Variants in PTPRR observed in about 807,000 individuals in gnomAD.
The protein encoded by PTPRR is receptor-type tyrosine-protein phosphatase R.
PTPRR carries 38 observed loss-of-function variants against 77.2 expected under a neutral mutation model. The ratio of observed to expected loss-of-function variants is 0.49; its 90% CI spans 0.38 to 0.65. The LOEUF is 0.65. Ranked by LOEUF, PTPRR falls within the 30% of genes least tolerant of loss-of-function variation. The probability of loss-of-function intolerance (pLI) is 0.00; values close to 1 mark genes in which losing one functional copy is unlikely to be tolerated. For synonymous variants in PTPRR, 299 were observed against 283.1 expected (o/e 1.06, Z -0.57); for missense variants, 744 against 799.2 (o/e 0.93, Z 0.83).
chr12:70,902,767 TAACAA>T (rs1592825361), intron 1 of PTPRR, among the ~76,000 whole-genome samples: 1 of 151,616 alleles, frequency 6.6e-6, no homozygotes, highest in African/African-American at 2.4e-5. Flanking sequence ...GATAAAAGTC[TAACAA>T]ATAGGGTGCA....
intron 2 of PTPRR, among the ~76,000 whole-genome samples, chr12:70,772,439 A>G (rs1474906018): frequency 1.3e-5 from 2 of 152,148 alleles, no homozygotes; most frequent in Non-Finnish European, 2.9e-5. Context: ...TATATCCTCT[A>G]TTTTTTACCT....
intron 1 of PTPRR, among the ~76,000 whole-genome samples, chr12:70,908,526 A>G (rs1169671090): frequency 6.6e-6 from 1 of 152,200 alleles, no homozygotes; most frequent in East Asian, 1.9e-4. Flanking sequence ...AGATCTCGTG[A>G]GAACTAACTT....
intron 1 of PTPRR, among the ~76,000 whole-genome samples, chr12:70,894,479 CCCCA>C (rs1893391463): frequency 6.6e-6 from 1 of 151,636 alleles, no homozygotes; most frequent in Non-Finnish European, 1.5e-5. Context: ...TATTTCTTAA[CCCCA>C]AAGGAATCAC....
chr12:70,761,715 A>G (rs1592739926), intron 3 of PTPRR, 89 bp from the exon 4 acceptor site: 2 of 1,043,356 alleles, frequency 1.9e-6, no homozygotes, highest in East Asian at 2.7e-5. Flanking sequence ...ACATTAAAGG[A>G]AGTCAGAATT....
chr12:70,651,733 T>C (rs529742179), intron 13 of PTPRR, among the ~76,000 whole-genome samples: 1 of 152,284 alleles, frequency 6.6e-6, no homozygotes, highest in Admixed American at 6.5e-5. Context: ...AGTTTTACAA[T>C]AAACATATTC....
chr12:70,647,186 A>G (rs974551919), intron 13 of PTPRR, among the ~76,000 whole-genome samples: 3 of 152,168 alleles, frequency 2.0e-5, no homozygotes, highest in Non-Finnish European at 2.9e-5. Context: ...AAGAAAAAAA[A>G]GAGGAAAAAA....
chr12:70,678,335 C>T (rs913557653), intron 10 of PTPRR, among the ~76,000 whole-genome samples: 5 of 152,152 alleles, frequency 3.3e-5, no homozygotes, highest in African/African-American at 1.2e-4. Flanking sequence ...GCCACAGCAC[C>T]CGGCCAGGAT....
intron 2 of PTPRR, among the ~76,000 whole-genome samples, chr12:70,890,065 G>A (rs1392819035): frequency 6.6e-6 from 1 of 152,028 alleles, no homozygotes; most frequent in Non-Finnish European, 1.5e-5. Context: ...CTGGTGTTGT[G>A]GCCTTGTGTC....
At chr12:70,760,968 C>G (rs1236392257) in intron 4 of PTPRR, among the ~76,000 whole-genome samples, 2 of 152,006 alleles carry the variant, frequency 1.3e-5, no homozygotes, top group African/African-American at 2.4e-5. Context: ...GTTCTTAAGA[C>G]TTAAGTTCTT....
intron 2 of PTPRR, among the ~76,000 whole-genome samples, chr12:70,845,386 A>G (rs1239437673): frequency 2.0e-5 from 3 of 152,220 alleles, no homozygotes; most frequent in African/African-American, 7.2e-5. Flanking sequence ...TGCATTGGAC[A>G]GAGCCTTAAT....
chr12:70,891,752 A>G (rs909250795), intron 2 of PTPRR, among the ~76,000 whole-genome samples: 3 of 152,110 alleles, frequency 2.0e-5, no homozygotes, highest in African/African-American at 7.2e-5. Context: ...AAAGTATACT[A>G]TATGTAGTAG....
chr12:70,656,830 G>C lies in PTPRR; in HGVS notation c.1767-13C>G, dbSNP rs748580930. ...ACCTATTCCTGCACTGAAAAGAAAAGAAAAGAAATTTAAAAAGTGGGGGAA... is the reference window on the plus strand; with the variant it reads ...ACCTATTCCTGCACTGAAAAGAAAACAAAAGAAATTTAAAAAGTGGGGGAA... On this transcript the variant is annotated splice_polypyrimidine_tract_variant and intron_variant, in intron 12 of 13. Coordinates refer to ENST00000283228, the MANE Select transcript of PTPRR (RefSeq NM_002849.4). 6 of 1,553,176 alleles carry C rather than the reference G, an allele frequency of 3.9e-6. No homozygotes were observed. The highest frequency in any genetic ancestry group is 5.3e-6 in the Non-Finnish European group (6 of 1,131,468).
intron 2 of PTPRR, among the ~76,000 whole-genome samples, chr12:70,872,091 T>A (rs1892967241): frequency 1.3e-5 from 2 of 152,236 alleles, no homozygotes; most frequent in South Asian, 4.1e-4. Context: ...TAGACGTGAT[T>A]TTCATAAACA....
chr12:70,666,987 G>A (rs182725840), intron 10 of PTPRR, among the ~76,000 whole-genome samples: 2 of 101,398 alleles, frequency 2.0e-5, no homozygotes, highest in African/African-American at 3.7e-5. Context: ...ACGGAGTCTC[G>A]CTCTGTCACT....
At position 70,770,302 on chromosome 12, in the gene PTPRR, G is replaced by C. The variant is rs1233293247; in HGVS notation, c.358-5524C>G. ...ATCCAGAATCTACAATGAACTCAAA[G>C]AAATTTACAAGAAAAAAACAAACAA... On this transcript the variant is annotated intron_variant, in intron 2 of 13. Coordinates refer to ENST00000283228, the MANE Select transcript of PTPRR (RefSeq NM_002849.4). Among the ~76,000 whole-genome samples the C allele has an allele frequency of 6.8e-3, 1,033 of 151,408 alleles. 6 individuals carry two copies. Among genetic ancestry groups the C allele is most frequent in the African/African-American group, 0.019 (769 of 41,136 alleles).
chr12:70,823,820 G>A (rs1892063709), intron 2 of PTPRR, among the ~76,000 whole-genome samples: 1 of 152,164 alleles, frequency 6.6e-6, no homozygotes, highest in Non-Finnish European at 1.5e-5. Context: ...AGTGAGGGCC[G>A]AACTAGATAG....
At chr12:70,682,785 G>A (rs1392313978) in intron 10 of PTPRR, among the ~76,000 whole-genome samples, 2 of 152,178 alleles carry the variant, frequency 1.3e-5, no homozygotes, top group Non-Finnish European at 2.9e-5. Flanking sequence ...CACTGTGTGG[G>A]AAACAGCTGA....
At chr12:70,879,904 A>C (rs1383348363) in intron 2 of PTPRR, among the ~76,000 whole-genome samples, 1 of 152,244 alleles carries the variant, frequency 6.6e-6, no homozygotes, top group Non-Finnish European at 1.5e-5. Flanking sequence ...ACATCCAGCC[A>C]AGAATGAGGT....
intron 2 of PTPRR, among the ~76,000 whole-genome samples, chr12:70,855,135 G>A (rs922314897): frequency 6.6e-6 from 1 of 152,124 alleles, no homozygotes; most frequent in Admixed American, 6.5e-5. Context: ...AGAAATGTGG[G>A]CTAGGAGAAT....
Sources: allele counts gnomAD v4.1 joint callset (sites outside exome capture counted in the v4.1 genomes callset), GRCh38; gene constraint gnomAD v4.1.1; transcripts MANE v1.5; gene names NCBI Gene and HGNC (gene_info 2026-07-23, HGNC 2026-07-21).